The following SLC36A1 variants were observed in gnomAD, a reference collection of about 807,000 sequenced individuals.
SLC36A1 encodes proton-coupled amino acid transporter 1.
In SLC36A1, 30 loss-of-function variants were observed where a neutral mutation model predicts 47.5. That is an observed-to-expected ratio of 0.63 (90% CI 0.47 to 0.86). The LOEUF is 0.86. Among genes scored for constraint, SLC36A1 ranks in the 40% least tolerant of loss-of-function variants. The pLI, the probability that SLC36A1 is intolerant of heterozygous loss-of-function variation, is 0.00. For missense variants in SLC36A1, 517 were observed against 606.0 expected (o/e 0.85, Z 1.54); for synonymous variants, 255 against 249.7 (o/e 1.02, Z -0.20).
At chr5:151,526,964 C>A in the SLC36A1 span, among the ~76,000 whole-genome samples, 1 of 152,302 alleles carries the variant, frequency 6.6e-6, no homozygotes, top group South Asian at 2.1e-4. Flanking sequence ...GTTTTCATAC[C>A]TCAATCTTCT....
the SLC36A1 span, among the ~76,000 whole-genome samples, chr5:151,430,251 A>G: frequency 6.9e-6 from 1 of 145,156 alleles, no homozygotes; most frequent in Admixed American, 7.1e-5. Flanking sequence ...TGCAACCTCC[A>G]TCTCCTGGGT....
the SLC36A1 span, among the ~76,000 whole-genome samples, chr5:151,376,924 C>T: frequency 3.3e-5 from 5 of 152,174 alleles, no homozygotes; most frequent in African/African-American, 9.7e-5. Flanking sequence ...TGAGCCGCCG[C>T]ACCCGGCCAA....
the SLC36A1 span, chr5:151,553,340 C>CCGT: frequency 6.2e-7 from 1 of 1,614,244 alleles, no homozygotes; most frequent in Non-Finnish European, 8.5e-7. Context: ...CAATGTGTAG[C>CCGT]CGGACACTGG....
At chr5:151,481,504 AT>A (rs1426792636) in intron 10 of SLC36A1, among the ~76,000 whole-genome samples, 3 of 151,866 alleles carry the variant, frequency 2.0e-5, no homozygotes, top group South Asian at 2.1e-4. Flanking sequence ...TCTTTAATTG[AT>A]TTTTTTCATT....
chr5:151,378,633 G>C, the SLC36A1 span: 1 of 165,984 alleles, frequency 6.0e-6, no homozygotes. Flanking sequence ...CATGAAGGAG[G>C]AATTCATCAT....
chr5:151,542,253 C>G, the SLC36A1 span: 13 of 1,538,474 alleles, frequency 8.4e-6, no homozygotes, highest in Non-Finnish European at 1.1e-5. Context: ...CGATACATTC[C>G]AGAGCCTGCA....
the SLC36A1 span, chr5:151,543,629 C>T: frequency 6.2e-7 from 1 of 1,614,160 alleles, no homozygotes; most frequent in Non-Finnish European, 8.5e-7. Context: ...AAATCAATCA[C>T]CTTGGTTCCA....
At chr5:151,455,045 C>A (rs1024294820) in intron 1 of SLC36A1, among the ~76,000 whole-genome samples, 1 of 152,076 alleles carries the variant, frequency 6.6e-6, no homozygotes, top group Non-Finnish European at 1.5e-5. Context: ...GTCATTATCC[C>A]CTTTATAGCA....
the SLC36A1 span, among the ~76,000 whole-genome samples, chr5:151,533,101 T>C: frequency 6.6e-6 from 1 of 152,112 alleles, no homozygotes; most frequent in Admixed American, 6.6e-5. Context: ...AGGAGCTATC[T>C]AGGAGATCTG....
intron 1 of SLC36A1, among the ~76,000 whole-genome samples, chr5:151,454,083 ATTTTTT>A (rs35097474): frequency 0.071 from 6,257 of 88,222 alleles, 144 homozygotes; most frequent in African/African-American, 0.086. Flanking sequence ...GTACACTTAA[ATTTTTT>A]TTTTTTTTTT....
At chr5:151,472,893 C>T (rs922793755) in intron 7 of SLC36A1, among the ~76,000 whole-genome samples, 1 of 152,142 alleles carries the variant, frequency 6.6e-6, no homozygotes, top group Non-Finnish European at 1.5e-5. Flanking sequence ...ACTGGCCAGG[C>T]GCAGTGGCCA....
chr5:151,501,290 T>A, the SLC36A1 span, among the ~76,000 whole-genome samples: 3 of 152,036 alleles, frequency 2.0e-5, no homozygotes, highest in Non-Finnish European at 4.4e-5. Context: ...TCAAACCTGT[T>A]CAACCTCAGA....
At chr5:151,394,971 T>G in the SLC36A1 span, among the ~76,000 whole-genome samples, 1,129 of 152,348 alleles carry the variant, frequency 7.4e-3, 20 homozygotes, top group East Asian at 0.031. Flanking sequence ...TTCTGCTGCC[T>G]TTTGTTTGGC....
At chr5:151,497,956 T>C in the SLC36A1 span, among the ~76,000 whole-genome samples, 1 of 151,884 alleles carries the variant, frequency 6.6e-6, no homozygotes, top group Non-Finnish European at 1.5e-5. Context: ...TTTTTTTCTT[T>C]TTTTTTGAGA....
chr5:151,486,057 T>A (rs1318191061), intron 10 of SLC36A1, among the ~76,000 whole-genome samples: 1 of 152,176 alleles, frequency 6.6e-6, no homozygotes, highest in Non-Finnish European at 1.5e-5. Flanking sequence ...TGAGACTGGG[T>A]AATTTATAAA....
At chr5:151,405,690 G>A in the SLC36A1 span, among the ~76,000 whole-genome samples, 2 of 152,070 alleles carry the variant, frequency 1.3e-5, no homozygotes, top group Non-Finnish European at 2.9e-5. Context: ...TTAGGGGGCT[G>A]GTGTTTCTTT....
intron 1 of SLC36A1, 97 bp from the exon 2 acceptor site, chr5:151,458,691 A>C: frequency 3.7e-6 from 5 of 1,343,986 alleles, no homozygotes; most frequent in Non-Finnish European, 5.1e-6. Flanking sequence ...ACAGTGAGCA[A>C]CTCTGACAAT....
At chr5:151,555,474 G>A in the SLC36A1 span, among the ~76,000 whole-genome samples, 1 of 149,136 alleles carries the variant, frequency 6.7e-6, no homozygotes, top group East Asian at 2.0e-4. Context: ...AGGTTCAAGT[G>A]CTTCTCCGCC....
chr5:151,416,242 C>T, the SLC36A1 span, among the ~76,000 whole-genome samples: 469 of 152,344 alleles, frequency 3.1e-3, 1 homozygote, highest in African/African-American at 0.011. Context: ...CTTATCCTGT[C>T]CTCTTTGTGT....
Sources: allele counts gnomAD v4.1 joint callset (sites outside exome capture counted in the v4.1 genomes callset), GRCh38; gene constraint gnomAD v4.1.1; transcripts MANE v1.5; gene names NCBI Gene and HGNC (gene_info 2026-07-23, HGNC 2026-07-21).